The following PLCZ1 variants were observed in gnomAD, a reference collection of about 807,000 sequenced individuals.
PLCZ1 encodes phospholipase C zeta 1.
In PLCZ1, 64 loss-of-function variants were observed where a neutral mutation model predicts 76.8. That is an observed-to-expected ratio of 0.83 (90% CI 0.68 to 1.03). The LOEUF (loss-of-function observed/expected upper bound fraction) is 1.03. Among genes scored for constraint, PLCZ1 ranks in the 50% least tolerant of loss-of-function variants. PLCZ1 has a pLI of 0.00. For synonymous variants in PLCZ1, 248 were observed against 230.8 expected (o/e 1.07, Z -0.68); for missense variants, 751 against 713.7 (o/e 1.05, Z -0.60).
chr12:18,723,169 T>C (rs1958546262), intron 4 of PLCZ1, 142 bp downstream of exon 4: 1 of 680,096 alleles, frequency 1.5e-6, no homozygotes, highest in African/African-American at 1.8e-5. Context: ...AAATATATTT[T>C]CTCAAAGATA....
the PLCZ1 span, among the ~76,000 whole-genome samples, chr12:18,652,899 G>A: frequency 3.3e-5 from 5 of 151,860 alleles, no homozygotes; most frequent in East Asian, 9.7e-4. Flanking sequence ...ACATATATAT[G>A]TATATGTTCA....
At position 18,723,318 on chromosome 12, in the gene PLCZ1, G is replaced by T. The variant is rs79487790; in HGVS notation, c.360C>A (p.Ile120=). 1.9e-6 allele frequency: 3 copies of T among 1,609,458 alleles called. No individual in the cohort carries two copies. The highest frequency in any genetic ancestry group is 1.1e-5 in the South Asian group (1 of 90,774). Residue 120 remains isoleucine, a synonymous_variant, in exon 4 of 15, where the codon ATC becomes ATA. Coordinates refer to ENST00000266505, the MANE Select transcript of PLCZ1 (RefSeq NM_033123.4). ...AFEIIQKYEP[I]EEVRKAHQMS... ...TTTGAAATGCAAACATACCTTCTTC[G>T]ATAGGCTCGTATTTCTGAATGATCT...
chr12:18,687,554 A>G (rs1429699462), intron 13 of PLCZ1, among the ~76,000 whole-genome samples: 1 of 152,154 alleles, frequency 6.6e-6, no homozygotes, highest in Non-Finnish European at 1.5e-5. Flanking sequence ...AATGATGAAA[A>G]TCTTACCAAA....
At chr12:18,699,600 G>GTTAA (rs1955613352) in intron 10 of PLCZ1, among the ~76,000 whole-genome samples, 194 bp downstream of exon 10, 1 of 152,066 alleles carries the variant, frequency 6.6e-6, no homozygotes, top group Non-Finnish European at 1.5e-5. Context: ...GCTTAGGAAA[G>GTTAA]TTAATTAATG....
At chr12:18,734,495 C>T (rs529864200) in intron 3 of PLCZ1, among the ~76,000 whole-genome samples, 7 of 152,164 alleles carry the variant, frequency 4.6e-5, no homozygotes, top group South Asian at 2.1e-4. Flanking sequence ...GAATTACAGG[C>T]GTGCACTACC....
At chr12:18,680,514 AG>A (rs1182842093), downstream of PLCZ1, among the ~76,000 whole-genome samples, 2 of 152,036 alleles carry the variant, frequency 1.3e-5, no homozygotes, top group African/African-American at 4.8e-5. Flanking sequence ...CCCAGACAAA[AG>A]TCCAGATAAG....
At chr12:18,686,430 G>A (rs1453888240) in intron 13 of PLCZ1, among the ~76,000 whole-genome samples, 3 of 151,876 alleles carry the variant, frequency 2.0e-5, no homozygotes, top group Non-Finnish European at 2.9e-5. Context: ...TCTTTCTTAA[G>A]CACCCTATAT....
chr12:18,647,126 C>T, the PLCZ1 span, among the ~76,000 whole-genome samples: 1 of 151,324 alleles, frequency 6.6e-6, no homozygotes, highest in South Asian at 2.1e-4. Context: ...CATGTATTTT[C>T]ATAATTAAAA....
At chr12:18,665,134 G>A in the PLCZ1 span, among the ~76,000 whole-genome samples, 1 of 151,126 alleles carries the variant, frequency 6.6e-6, no homozygotes, top group Non-Finnish European at 1.5e-5. Context: ...TTGTGCACAT[G>A]TACCCTAAAA....
chr12:18,676,267 T>C, the PLCZ1 span, among the ~76,000 whole-genome samples: 2 of 152,154 alleles, frequency 1.3e-5, no homozygotes, highest in Non-Finnish European at 2.9e-5. Context: ...ATTTACCTGT[T>C]CTCTTTAGCA....
intron 5 of PLCZ1, chr12:18,714,523 A>G (rs182075657): frequency 6.6e-6 from 1 of 152,268 alleles, no homozygotes; most frequent in African/African-American, 2.4e-5. Flanking sequence ...GGAAGAGACA[A>G]AACTGAATCT....
At chr12:18,647,663 C>T in the PLCZ1 span, among the ~76,000 whole-genome samples, 1 of 148,512 alleles carries the variant, frequency 6.7e-6, no homozygotes, top group Non-Finnish European at 1.5e-5. Context: ...TTCTAGGATT[C>T]TTACAAAAAT....
the PLCZ1 span, among the ~76,000 whole-genome samples, chr12:18,659,182 T>C: frequency 6.6e-6 from 1 of 152,156 alleles, no homozygotes. Flanking sequence ...GGAGCTAATA[T>C]ATAAAGGTAC....
the PLCZ1 span, among the ~76,000 whole-genome samples, chr12:18,650,293 TTCTCTCTCTCTCTC>T: frequency 0.07 from 6,135 of 87,636 alleles, 342 homozygotes; most frequent in African/African-American, 0.15. Flanking sequence ...TAACCCAAAT[TTCTCTCTCTCTCTC>T]TCTCTCTCTC....
rs145307189 is a variant in PLCZ1 at position 18,712,612 on chromosome 12, C to T, written c.714+230G>A. ...CCTTGTGAAACAATACACACACACA[C>T]GAGTAAACAAAAAGTTCCATGAAAC... On this transcript the variant is annotated intron_variant, in intron 6 of 14. Transcript: ENST00000266505. Among the ~76,000 whole-genome samples, 170 of 152,178 alleles carry T rather than the reference C, an allele frequency of 1.1e-3. 2 individuals are homozygous for T. In the East Asian group the frequency reaches 0.026, roughly 24 times the overall value.
chr12:18,671,684 A>G, the PLCZ1 span, among the ~76,000 whole-genome samples: 17 of 152,318 alleles, frequency 1.1e-4, no homozygotes, highest in South Asian at 1.0e-3. Flanking sequence ...AATTTATGGA[A>G]AGGAAAGGCT....
the PLCZ1 span, among the ~76,000 whole-genome samples, chr12:18,656,343 T>C: frequency 6.6e-6 from 1 of 152,104 alleles, no homozygotes; most frequent in Non-Finnish European, 1.5e-5. Flanking sequence ...TTTAGGAGGC[T>C]GAGGCGGGTG....
At chr12:18,736,460 T>C (rs1959261848) in intron 2 of PLCZ1, 116 bp from the exon 3 acceptor site, 16 of 1,233,356 alleles carry the variant, frequency 1.3e-5, no homozygotes, top group Non-Finnish European at 1.8e-5. Context: ...ATGTTTAAAG[T>C]AAATTATAGT....
In PLCZ1 at chr12:18,688,208, C is replaced by T; in HGVS notation, c.1472G>A (p.Gly491Asp). 1 of 1,608,638 alleles carries T rather than the reference C, an allele frequency of 6.2e-7. No individual in the cohort carries two copies. The highest frequency in any genetic ancestry group is 8.5e-7 in the Non-Finnish European group (1 of 1,177,612). ...TGAATGAGTAAGAGGCAACTGGATACCACTGATGAGCTGCACAAATATATA... is the reference window on the plus strand; with the variant it reads ...TGAATGAGTAAGAGGCAACTGGATATCACTGATGAGCTGCACAAATATATA... ...PITLTIRLIS[G>D]IQLPLTHSSS... The change falls in exon 13 of 15, where the codon GGT (glycine) becomes GAT (aspartate). Residue 491 changes from glycine to aspartate, a missense_variant. By Grantham distance (94) the Gly-to-Asp change is moderately conservative. Coordinates refer to ENST00000266505, the MANE Select transcript of PLCZ1 (RefSeq NM_033123.4).
Sources: gnomAD v4.1 joint callset for allele counts (sites outside exome capture counted in the v4.1 genomes callset) on GRCh38, gnomAD v4.1.1 for gene constraint, MANE v1.5 for transcripts, NCBI Gene and HGNC (gene_info 2026-07-23, HGNC 2026-07-21) for gene names.